TAOK1: variants seen among roughly 807,000 people sequenced by gnomAD.
The protein encoded by TAOK1 is TAO kinase 1.
In TAOK1, 21 loss-of-function variants were observed where a neutral mutation model predicts 138.3. The ratio of observed to expected loss-of-function variants is 0.15; its 90% CI spans 0.11 to 0.22. The LOEUF is 0.22. Among genes scored for constraint, TAOK1 ranks in the 10% least tolerant of loss-of-function variants. The pLI, the probability that TAOK1 is intolerant of heterozygous loss-of-function variation, is 1.00. For missense variants in TAOK1, 651 were observed against 1,227.7 expected (o/e 0.53, Z 7.02); for synonymous variants, 361 against 398.4 (o/e 0.91, Z 1.12).
rs547569465 is a variant in TAOK1, at chr17:29,511,363, A to G, written c.1704+371A>G. On this transcript the variant is annotated intron_variant, in intron 15 of 19. Coordinates refer to ENST00000261716, the MANE Select transcript of TAOK1 (RefSeq NM_020791.4). ...ATTCTCCTGCCTCAGCCTCCCTAGT[A>G]GCTGGGACTACAGGCGCCCACCACC... 2.6e-3 allele frequency: 388 copies of G among 151,960 alleles called. 2 individuals are homozygous for G. The highest frequency in any genetic ancestry group is 3.1e-3 in the Non-Finnish European group (210 of 68,354). 9.4% of individuals were successfully genotyped at this position (151,960 alleles called of 1,614,324 possible).
At chr17:29,441,799 G>A (rs1035918651) in intron 1 of TAOK1, among the ~76,000 whole-genome samples, 12 of 151,994 alleles carry the variant, frequency 7.9e-5, no homozygotes, top group African/African-American at 2.9e-4. Flanking sequence ...TCAGGAGGCT[G>A]AGGCAGGAGA....
intron 1 of TAOK1, among the ~76,000 whole-genome samples, chr17:29,395,081 G>T (rs949194772): frequency 6.6e-6 from 1 of 151,204 alleles, no homozygotes; most frequent in African/African-American, 2.4e-5. Context: ...GTCTCCAAAA[G>T]ATAAAAAATG....
At chr17:29,394,266 C>T (rs753323952) in intron 1 of TAOK1, among the ~76,000 whole-genome samples, 2 of 141,286 alleles carry the variant, frequency 1.4e-5, no homozygotes, top group African/African-American at 2.6e-5. Context: ...CCTGGGTTTA[C>T]GCCAGTCTCC....
At chr17:29,488,460 C>CTCAGGAGGCTGAGACAGGAGAGAA (rs1555564479) in intron 8 of TAOK1, among the ~76,000 whole-genome samples, 7 of 149,924 alleles carry the variant, frequency 4.7e-5, no homozygotes, top group South Asian at 2.1e-4. Context: ...ATCCCAGGTA[C>CTCAGGAGGCTGAGACAGGAGAGAA]TCGGGAGGCT....
chr17:29,398,227 G>A (rs900523080), intron 1 of TAOK1, among the ~76,000 whole-genome samples: 1 of 151,258 alleles, frequency 6.6e-6, no homozygotes, highest in Admixed American at 6.6e-5. Flanking sequence ...TTTTTTTTGA[G>A]ACGGAATTTT....
rs1474923461 is a variant in TAOK1 at position 29,545,676 on chromosome 17, T to TCTCATACATAGTAGGAAC, written c.*2656_*2673dup. 1.3e-5 allele frequency: 2 copies of TCTCATACATAGTAGGAAC among 152,178 alleles called. No individual in the cohort carries two copies. The highest frequency in any genetic ancestry group is 1.3e-4 in the Admixed American group (2 of 15,268). The allele number at this position is 152,178 out of a possible 1,614,324, so 9.4% of individuals were successfully genotyped here. On this transcript the variant is annotated 3_prime_UTR_variant, in exon 20 of 20. Coordinates refer to ENST00000261716, the MANE Select transcript of TAOK1 (RefSeq NM_020791.4). ...TTTGTGAGATCTAGCTTCTGAGGAA[T>TCTCATACATAGTAGGAAC]CTCATACATAGTAGGAACCATCATA... is the stretch of plus-strand genomic sequence containing the variant.
intron 2 of TAOK1, among the ~76,000 whole-genome samples, chr17:29,455,714 C>G (rs2030359960): frequency 7.7e-6 from 1 of 129,142 alleles, no homozygotes; most frequent in South Asian, 2.5e-4. Context: ...TTTTCTGCAT[C>G]AAGCTGGATC....
chr17:29,471,974 G>A (rs2030828266), intron 3 of TAOK1, among the ~76,000 whole-genome samples: 1 of 152,158 alleles, frequency 6.6e-6, no homozygotes, highest in Non-Finnish European at 1.5e-5. Flanking sequence ...AATTGCAGCA[G>A]TGTAGTCACA....
chr17:29,411,989 T>TTTCC (rs979784178), intron 1 of TAOK1, among the ~76,000 whole-genome samples: 1 of 151,950 alleles, frequency 6.6e-6, no homozygotes, highest in Admixed American at 6.6e-5. Flanking sequence ...GCAGCTTGCT[T>TTTCC]TTCCTTCCTT....
intron 2 of TAOK1, among the ~76,000 whole-genome samples, chr17:29,465,864 T>TC (rs1555562743): frequency 3.8e-5 from 5 of 131,902 alleles, no homozygotes; most frequent in Admixed American, 3.2e-4. Flanking sequence ...TTTTTTTTTT[T>TC]CAGATTTTCC....
At position 29,467,078 on chromosome 17, in the gene TAOK1, A is replaced by C. The variant is rs76825768; in HGVS notation, c.133-67A>C. 2,430 of 1,246,250 alleles carry C rather than the reference A, an allele frequency of 1.9e-3. 59 individuals are homozygous for C. In the East Asian group the frequency reaches 0.048, roughly 24 times the overall value. 77.2% of individuals were successfully genotyped at this position (1,246,250 alleles called of 1,614,324 possible). A position where few individuals can be genotyped will look rare whatever the true frequency, so the allele number is the denominator to read the frequency against. ...AGTTTACAAATGCTTTTATATTCGC[A>C]AAGAAATAGTTGCCTAGATTTCACC... On this transcript the variant is annotated intron_variant, in intron 2 of 19. Transcript: ENST00000261716.
intron 15 of TAOK1, chr17:29,513,068 C>CA (rs2031753080): frequency 1.9e-5 from 2 of 102,996 alleles, no homozygotes; most frequent in Admixed American, 1.2e-4. Context: ...CCCCCCCCCC[C>CA]GTCTTATAGG....
intron 1 of TAOK1, among the ~76,000 whole-genome samples, chr17:29,394,267 G>A (rs75615624): frequency 4.4e-4 from 59 of 135,454 alleles, no homozygotes; most frequent in African/African-American, 1.6e-3. Flanking sequence ...CTGGGTTTAC[G>A]CCAGTCTCCT....
chr17:29,430,922 T>C (rs926538663), intron 1 of TAOK1, among the ~76,000 whole-genome samples: 6 of 152,172 alleles, frequency 3.9e-5, no homozygotes, highest in African/African-American at 1.4e-4. Context: ...GCTGGAACTT[T>C]GCTGCATGAT....
intron 17 of TAOK1, among the ~76,000 whole-genome samples, chr17:29,526,819 TA>T (rs71138830): frequency 0.019 from 943 of 50,934 alleles, 31 homozygotes; most frequent in African/African-American, 0.075. Context: ...TCTCATCTCT[TA>T]AAAAAAAAAA....
At chr17:29,425,595 C>T (rs928324540) in intron 1 of TAOK1, among the ~76,000 whole-genome samples, 1 of 152,084 alleles carries the variant, frequency 6.6e-6, no homozygotes, top group African/African-American at 2.4e-5. Context: ...AGGAGGATGG[C>T]TTGAGCCTGG....
chr17:29,463,414 A>C (rs114876546), intron 2 of TAOK1, among the ~76,000 whole-genome samples: 1,990 of 151,932 alleles, frequency 0.013, 44 homozygotes, highest in African/African-American at 0.045. Flanking sequence ...TACTGAAAAT[A>C]AAAAAAATTA....
intron 1 of TAOK1, among the ~76,000 whole-genome samples, chr17:29,394,291 G>A (rs1904523892): frequency 6.7e-6 from 1 of 149,836 alleles, no homozygotes; most frequent in South Asian, 2.1e-4. Context: ...TCAGCCTCCT[G>A]AGTAGCTGGG....
At chr17:29,393,490 G>T (rs142558638) in intron 1 of TAOK1, among the ~76,000 whole-genome samples, 2 of 152,134 alleles carry the variant, frequency 1.3e-5, no homozygotes, top group Non-Finnish European at 2.9e-5. Flanking sequence ...TTGCCTGAGG[G>T]TTATTTCAGA....
Sources: allele counts gnomAD v4.1 joint callset (sites outside exome capture counted in the v4.1 genomes callset), GRCh38; gene constraint gnomAD v4.1.1; transcripts MANE v1.5; gene names NCBI Gene and HGNC (gene_info 2026-07-23, HGNC 2026-07-21).